The following DAB2IP variants were observed in gnomAD, a reference collection of about 807,000 sequenced individuals.
DAB2IP encodes disabled homolog 2-interacting protein.
Under a neutral mutation model 107.2 loss-of-function variants are expected in DAB2IP, and 28 were observed. The ratio of observed to expected loss-of-function variants is 0.26; its 90% CI spans 0.19 to 0.36. The LOEUF (loss-of-function observed/expected upper bound fraction) is 0.36. Ranked by LOEUF, DAB2IP falls within the 10% of genes least tolerant of loss-of-function variation. The pLI is 1.00. For synonymous variants in DAB2IP, 755 were observed against 706.4 expected (o/e 1.07, Z -1.09); for missense variants, 1,400 against 1,644.7 (o/e 0.85, Z 2.57).
At position 121,767,394 on chromosome 9, in the gene DAB2IP, G is replaced by GTGAT. The variant is rs555865338; in HGVS notation, c.1697+665_1697+668dup. On this transcript the variant is annotated intron_variant, in intron 9 of 15. Transcript: ENST00000408936. ...GACGTGTGGAATGAGCAGGAGAGCA[G>GTGAT]TGATAGACACACACGAGCCTCTTAG... Among the ~76,000 whole-genome samples, 57 of 152,362 alleles carry GTGAT rather than the reference G, an allele frequency of 3.7e-4. No individual in the cohort carries two copies. In the South Asian group the frequency reaches 6.2e-3, roughly 17 times the overall value.
chr9:121,697,393 A>G (rs910675630), intron 2 of DAB2IP, among the ~76,000 whole-genome samples: 1 of 152,174 alleles, frequency 6.6e-6, no homozygotes, highest in Non-Finnish European at 1.5e-5. Flanking sequence ...CCCCTGGGAG[A>G]AGAGAACCCA....
intron 3 of DAB2IP, among the ~76,000 whole-genome samples, chr9:121,754,422 T>G (rs1435432012): frequency 1.3e-5 from 2 of 152,134 alleles, no homozygotes; most frequent in Non-Finnish European, 2.9e-5. Context: ...CGGGAACCAC[T>G]TGGGGCCTCC....
chr9:121,576,421 C>T (rs1389970461), intron 1 of DAB2IP, among the ~76,000 whole-genome samples: 1 of 151,526 alleles, frequency 6.6e-6, no homozygotes, highest in Non-Finnish European at 1.5e-5. Context: ...TCTTAGCCTT[C>T]CCTACTACCC....
At position 121,635,504 on chromosome 9, in the gene DAB2IP, C is replaced by T. The variant is rs1472999509; in HGVS notation, c.41-43174C>T. 6.6e-6 allele frequency among the ~76,000 whole-genome samples: 1 copy of T among 152,212 alleles called. No homozygotes were observed. The highest frequency in any genetic ancestry group is 1.5e-5 in the Non-Finnish European group (1 of 68,040). On this transcript the variant is annotated intron_variant, in intron 1 of 16. Transcript: ENST00000259371. The surrounding 1 kb of genome is among the most constrained non-coding windows in gnomAD (Gnocchi z 4.3). ...GACCTACTGTGTGCTTAGCCCCGTG[C>T]AGGGCCTGGGCATGGAAACGGAGTG...
chr9:121,651,870 G>T lies in DAB2IP; in HGVS notation c.95G>T (p.Arg32Leu). ...CCCCGGCTGCAGCGACAGAGGAGCC[G>T]CTCCCGCAGCCGGACCCGGCCTGCC... Residue 32 changes from arginine (R) to leucine (L), a missense_variant, in exon 1 of 16, where the codon CGC (arginine) becomes CTC (leucine). This residue lies in a region of DAB2IP where 283 missense variants were observed against 237.0 expected (regional missense o/e 1.19). Transcript: ENST00000408936. This position sits in a 1 kb window ranked among gnomAD's most constrained non-coding sequence, Gnocchi z 5.1. 2.1e-6 allele frequency: 3 copies of T among 1,443,812 alleles called. No individual in the cohort carries two copies. Among genetic ancestry groups the T allele is most frequent in the Non-Finnish European group, 2.7e-6 (3 of 1,093,488 alleles). The allele number at this position is 1,443,812 out of a possible 1,614,324, so 89.4% of individuals were successfully genotyped here. A position where few individuals can be genotyped will look rare whatever the true frequency, so the allele number is the denominator to read the frequency against.
At chr9:121,771,504 A>G (rs1357670713) in intron 11 of DAB2IP, among the ~76,000 whole-genome samples, 3 of 152,156 alleles carry the variant, frequency 2.0e-5, no homozygotes, top group Non-Finnish European at 4.4e-5. Flanking sequence ...AGGGGAGCCC[A>G]GGAGGGGCCA....
At chr9:121,619,021 G>A (rs999846763) in intron 1 of DAB2IP, among the ~76,000 whole-genome samples, 8 of 152,174 alleles carry the variant, frequency 5.3e-5, no homozygotes, top group Non-Finnish European at 1.0e-4. Flanking sequence ...CTTTCTGACC[G>A]GCTGTGATTC....
At chr9:121,617,509 C>T (rs1984035) in intron 1 of DAB2IP, among the ~76,000 whole-genome samples, 72,596 of 152,016 alleles carry the variant, frequency 0.48, 18,605 homozygotes, top group East Asian at 0.97. Flanking sequence ...CCCAATACAG[C>T]GGTTTCCGTG....
intron 6 of DAB2IP, among the ~76,000 whole-genome samples, chr9:121,763,292 G>T (rs1489524142): frequency 6.6e-6 from 1 of 152,168 alleles, no homozygotes; most frequent in Non-Finnish European, 1.5e-5. Flanking sequence ...ACTGTCACCA[G>T]TTCTAGGCTC....
chr9:121,784,713 T>TTTTA (rs1835885283), exon 16 of DAB2IP: 1 of 154,296 alleles, frequency 6.5e-6, no homozygotes, highest in African/African-American at 2.4e-5. Flanking sequence ...CTCCCAAGGG[T>TTTTA]TTTATTTTAT....
intron 3 of DAB2IP, among the ~76,000 whole-genome samples, chr9:121,735,421 A>G (rs1333786932): frequency 6.6e-6 from 1 of 152,214 alleles, no homozygotes; most frequent in Admixed American, 6.5e-5. Flanking sequence ...GCCTGTACAC[A>G]GTAGGTGCCT....
At chr9:121,672,928 AG>A (rs1833739470) in intron 1 of DAB2IP, among the ~76,000 whole-genome samples, 1 of 152,332 alleles carries the variant, frequency 6.6e-6, no homozygotes, top group East Asian at 1.9e-4. Context: ...AAATTAGAAA[AG>A]ATTTGCTGCA....
intron 3 of DAB2IP, among the ~76,000 whole-genome samples, chr9:121,732,184 G>T (rs761446814): frequency 3.3e-5 from 5 of 152,150 alleles, no homozygotes; most frequent in African/African-American, 1.2e-4. Context: ...ACTATGCTGG[G>T]TGTTGCCTAG....
At chr9:121,678,341 T>C (rs2119135025) in intron 1 of DAB2IP, among the ~76,000 whole-genome samples, 1 of 152,378 alleles carries the variant, frequency 6.6e-6, no homozygotes, top group South Asian at 2.1e-4. Flanking sequence ...TAGAGCAGAA[T>C]GGTATTCCTT....
intron 1 of DAB2IP, among the ~76,000 whole-genome samples, chr9:121,663,425 G>C (rs1442984699): frequency 6.6e-6 from 1 of 152,104 alleles, no homozygotes; most frequent in East Asian, 1.9e-4. Context: ...TCCCCTCTGA[G>C]CAGCTGCTGT....
chr9:121,671,108 G>A (rs989947648), intron 1 of DAB2IP, among the ~76,000 whole-genome samples: 4 of 152,082 alleles, frequency 2.6e-5, no homozygotes, highest in Non-Finnish European at 5.9e-5. Context: ...CCGAGATCGT[G>A]CCACTGCACT....
rs1457596089 is a variant in DAB2IP, at chr9:121,760,135, G to T, written c.866G>T (p.Ser289Ile). 5.6e-6 allele frequency: 9 copies of T among 1,613,928 alleles called. No individual in the cohort carries two copies. Among genetic ancestry groups the T allele is most frequent in the Non-Finnish European group, 7.6e-6 (9 of 1,180,026 alleles). Residue 289 changes from serine (S) to isoleucine (I), a missense_variant, in exon 6 of 16, where the codon AGT (serine) becomes ATT (isoleucine). Around this residue, in one of 3 missense-constraint regions of DAB2IP, gnomAD observed 517 missense variants for 748.6 expected, o/e 0.69. Coordinates refer to ENST00000408936, the Ensembl canonical transcript of DAB2IP. The surrounding 1 kb of genome is among the most constrained non-coding windows in gnomAD (Gnocchi z 5.9). ...AAGAAGAAGAAGAAGGAGCGCAACA[G>T]TTACCTGGGCCTGGTGAGCCTACCT...
In DAB2IP at chr9:121,776,076, G is replaced by C. The variant is rs544398103; in HGVS notation, c.3121-122G>C. On this transcript the variant is annotated intron_variant, in intron 13 of 15. Transcript: ENST00000408936. The surrounding 1 kb of genome is among the most constrained non-coding windows in gnomAD (Gnocchi z 5.4). ...CATCTCCTTGCTATGTGAAGTGGGC[G>C]GGTCACAGCCACTGGGGCCTTTCAA... 2 of 1,145,778 alleles carry C rather than the reference G, an allele frequency of 1.7e-6. No homozygotes were observed. The highest frequency in any genetic ancestry group is 3.1e-5 in the South Asian group (2 of 63,834). The allele number at this position is 1,145,778 out of a possible 1,614,324, so 71.0% of individuals were successfully genotyped here. A position where few individuals can be genotyped will look rare whatever the true frequency, so the allele number is the denominator to read the frequency against.
chr9:121,586,552 T>G (rs1410318460), intron 1 of DAB2IP, among the ~76,000 whole-genome samples: 2 of 152,110 alleles, frequency 1.3e-5, no homozygotes, highest in Non-Finnish European at 2.9e-5. Context: ...TTATGCAGCC[T>G]GAATTGCAGT....
Sources: allele counts gnomAD v4.1 joint callset (sites outside exome capture counted in the v4.1 genomes callset), GRCh38; gene constraint gnomAD v4.1.1; regional missense constraint gnomAD v4.1.1; non-coding constraint Gnocchi (gnomAD v3.1); transcripts MANE v1.5; gene names NCBI Gene and HGNC (gene_info 2026-07-23, HGNC 2026-07-21).